The following ARHGAP32 variants were observed in gnomAD, a reference collection of about 807,000 sequenced individuals.
ARHGAP32 encodes the protein Rho GTPase activating protein 32.
A neutral mutation model predicts 186.5 loss-of-function variants in ARHGAP32; 51 were observed. That is an observed-to-expected ratio of 0.27 (90% CI 0.22 to 0.35). ARHGAP32 has a LOEUF of 0.35. Ranked by LOEUF, ARHGAP32 falls within the 10% of genes least tolerant of loss-of-function variation. The probability of loss-of-function intolerance (pLI) is 1.00; values close to 1 mark genes in which losing one functional copy is unlikely to be tolerated. For synonymous variants in ARHGAP32, 950 were observed against 964.3 expected (o/e 0.99, Z 0.27); for missense variants, 2,186 against 2,623.5 (o/e 0.83, Z 3.64).
chr11:129,229,165 T>C, intron 1 of ARHGAP32, among the ~76,000 whole-genome samples: 1 of 152,212 alleles, frequency 6.6e-6, no homozygotes. Flanking sequence ...TTTTGTCAAA[T>C]ATAGGCTTTT....
intron 1 of ARHGAP32, among the ~76,000 whole-genome samples, chr11:129,165,659 C>A (rs1017135661): frequency 6.6e-6 from 1 of 150,676 alleles, no homozygotes; most frequent in Non-Finnish European, 1.5e-5. Context: ...TCATTCAGAT[C>A]TTAGCATTAT....
At chr11:129,276,296 T>TTTGTTG (rs35948166) in intron 1 of ARHGAP32, among the ~76,000 whole-genome samples, 3 of 151,702 alleles carry the variant, frequency 2.0e-5, no homozygotes, top group Non-Finnish European at 2.9e-5. Context: ...CTTATCTGTT[T>TTTGTTG]TTGTTGTTGT....
At chr11:128,996,067 T>C (rs1260561465) in intron 12 of ARHGAP32, among the ~76,000 whole-genome samples, 1 of 152,198 alleles carries the variant, frequency 6.6e-6, no homozygotes, top group Non-Finnish European at 1.5e-5. Flanking sequence ...TCTGAACCTA[T>C]TGGTAAAAAT....
chr11:129,006,506 G>A (rs980916170), intron 11 of ARHGAP32, among the ~76,000 whole-genome samples: 7 of 152,176 alleles, frequency 4.6e-5, no homozygotes, highest in East Asian at 1.9e-4. Flanking sequence ...GGTGGTCTTC[G>A]ATAAGATCCA....
At chr11:129,039,917 A>G (rs1939521280) in intron 11 of ARHGAP32, among the ~76,000 whole-genome samples, 2 of 152,214 alleles carry the variant, frequency 1.3e-5, no homozygotes, top group Non-Finnish European at 2.9e-5. Context: ...CACTGTTTTG[A>G]AGCATTTTCT....
At chr11:129,224,309 T>C (rs992752856) in intron 1 of ARHGAP32, among the ~76,000 whole-genome samples, 5 of 152,190 alleles carry the variant, frequency 3.3e-5, no homozygotes, top group African/African-American at 9.7e-5. Flanking sequence ...TGTATTAAAA[T>C]CTTGGTAGTT....
At chr11:129,129,793 C>T (rs1317807450) in intron 2 of ARHGAP32, among the ~76,000 whole-genome samples, 3 of 152,310 alleles carry the variant, frequency 2.0e-5, no homozygotes, top group Middle Eastern at 3.4e-3. Context: ...TTTCTGACAA[C>T]CTCACAAACA....
At chr11:129,116,056 T>C (rs1349150490) in intron 5 of ARHGAP32, among the ~76,000 whole-genome samples, 1 of 152,038 alleles carries the variant, frequency 6.6e-6, no homozygotes, top group Admixed American at 6.6e-5. Context: ...TAAGTTACTT[T>C]TCAAGTAAAC....
chr11:129,278,902 G>A (rs1253915011), intron 1 of ARHGAP32, among the ~76,000 whole-genome samples: 1 of 149,144 alleles, frequency 6.7e-6, no homozygotes, highest in Non-Finnish European at 1.5e-5. Flanking sequence ...GCTCGCGGAG[G>A]CCGCGGGGAG....
chr11:129,132,887 A>G (rs1230530581), intron 2 of ARHGAP32, among the ~76,000 whole-genome samples: 4 of 152,226 alleles, frequency 2.6e-5, no homozygotes, highest in African/African-American at 9.6e-5. Flanking sequence ...AATAAAAACT[A>G]TAAAAAACCC....
At chr11:129,273,658 T>G (rs1945497367) in intron 1 of ARHGAP32, among the ~76,000 whole-genome samples, 1 of 152,228 alleles carries the variant, frequency 6.6e-6, no homozygotes, top group Non-Finnish European at 1.5e-5. Flanking sequence ...CTACTCATCT[T>G]AAGAGTCCTT....
chr11:129,087,521 T>C (rs1015734884), intron 6 of ARHGAP32, among the ~76,000 whole-genome samples: 2 of 152,186 alleles, frequency 1.3e-5, no homozygotes, highest in Admixed American at 6.5e-5. Context: ...AATCCAACTA[T>C]GTGGTATCTT....
chr11:129,075,780 TA>T (rs1941019513), intron 6 of ARHGAP32, among the ~76,000 whole-genome samples: 2 of 152,106 alleles, frequency 1.3e-5, no homozygotes, highest in Admixed American at 1.3e-4. Flanking sequence ...AACAAGTTTT[TA>T]AAAAACAGAA....
At chr11:129,252,444 A>G (rs1041443678) in intron 1 of ARHGAP32, among the ~76,000 whole-genome samples, 3 of 152,210 alleles carry the variant, frequency 2.0e-5, no homozygotes, top group African/African-American at 4.8e-5. Flanking sequence ...CTCATTAAAG[A>G]TATTTACTGA....
chr11:128,994,491 T>G (rs1426636956), intron 12 of ARHGAP32, among the ~76,000 whole-genome samples: 5 of 152,108 alleles, frequency 3.3e-5, no homozygotes, highest in African/African-American at 1.2e-4. Flanking sequence ...AAGCAAGGTT[T>G]AACATGTTAC....
chr11:128,992,770 A>G (rs888167357), intron 12 of ARHGAP32, among the ~76,000 whole-genome samples: 12 of 152,144 alleles, frequency 7.9e-5, no homozygotes, highest in African/African-American at 2.7e-4. Flanking sequence ...CTGGGCAACA[A>G]GAGCAAAACT....
At chr11:128,998,609 T>C (rs577816458) in intron 11 of ARHGAP32, 141 bp from the exon 12 acceptor site, 3 of 560,848 alleles carry the variant, frequency 5.3e-6, no homozygotes, top group African/African-American at 3.8e-5. Context: ...AAAATGTCAG[T>C]ACAAGTTTAA....
At chr11:129,086,017 C>CA (rs60940372) in intron 6 of ARHGAP32, among the ~76,000 whole-genome samples, 13,618 of 127,720 alleles carry the variant, frequency 0.11, 693 homozygotes, top group Middle Eastern at 0.15. Context: ...AACAAACAAA[C>CA]AAAAAAAAAA....
At chr11:129,100,665 G>GCA (rs1379723994) in intron 5 of ARHGAP32, among the ~76,000 whole-genome samples, 2 of 152,032 alleles carry the variant, frequency 1.3e-5, no homozygotes, top group Non-Finnish European at 2.9e-5. Flanking sequence ...AACCCTGCCT[G>GCA]CACCCTGCCC....
Sources: allele counts gnomAD v4.1 joint callset (sites outside exome capture counted in the v4.1 genomes callset), GRCh38; gene constraint gnomAD v4.1.1; transcripts MANE v1.5; gene names NCBI Gene and HGNC (gene_info 2026-07-23, HGNC 2026-07-21).